ZNRF1: variants seen among roughly 807,000 people sequenced by gnomAD.
ZNRF1 encodes the protein zinc and ring finger 1.
In ZNRF1, 3 loss-of-function variants were observed where a neutral mutation model predicts 18.4. That is an observed-to-expected ratio of 0.16 (90% CI 0.07 to 0.42). The LOEUF is 0.42. Among genes scored for constraint, ZNRF1 ranks in the 10% least tolerant of loss-of-function variants. The probability of loss-of-function intolerance (pLI) is 0.99; values close to 1 mark genes in which losing one functional copy is unlikely to be tolerated. For synonymous variants in ZNRF1, 157 were observed against 144.2 expected (o/e 1.09, Z -0.64); for missense variants, 310 against 329.8 (o/e 0.94, Z 0.47).
intron 1 of ZNRF1, among the ~76,000 whole-genome samples, chr16:75,064,808 G>A (rs2035782607): frequency 6.6e-6 from 1 of 152,170 alleles, no homozygotes; most frequent in African/African-American, 2.4e-5. Flanking sequence ...CTAATACTTG[G>A]CACCCTGTGT....
intron 1 of ZNRF1, among the ~76,000 whole-genome samples, chr16:75,084,230 T>G (rs996950071): frequency 6.6e-6 from 1 of 152,190 alleles, no homozygotes; most frequent in African/African-American, 2.4e-5. Flanking sequence ...AGCAGGCACA[T>G]GCAGTCATTA....
chr16:75,074,724 G>A (rs1170729472), intron 1 of ZNRF1, among the ~76,000 whole-genome samples: 2 of 152,058 alleles, frequency 1.3e-5, no homozygotes, highest in African/African-American at 2.4e-5. Context: ...ATGAGTACCT[G>A]GGAGCTCACT....
At chr16:75,062,963 G>A (rs1295913948) in intron 1 of ZNRF1, among the ~76,000 whole-genome samples, 2 of 152,200 alleles carry the variant, frequency 1.3e-5, no homozygotes, top group East Asian at 1.9e-4. Context: ...TCTTCAGGGT[G>A]GAAGAACACA....
intron 1 of ZNRF1, among the ~76,000 whole-genome samples, chr16:75,004,332 C>G (rs575068601): frequency 7.2e-5 from 11 of 152,160 alleles, no homozygotes; most frequent in African/African-American, 2.2e-4. Flanking sequence ...TGATGGCTGC[C>G]TCGGTGCTAT....
At chr16:75,072,588 C>T (rs2035882819) in intron 1 of ZNRF1, among the ~76,000 whole-genome samples, 1 of 152,176 alleles carries the variant, frequency 6.6e-6, no homozygotes, top group African/African-American at 2.4e-5. Flanking sequence ...CCTTCAGTGT[C>T]CACCCACTAG....
intron 4 of ZNRF1, 91 bp from the exon 5 acceptor site, chr16:75,107,642 C>G: frequency 2.2e-6 from 1 of 452,262 alleles, no homozygotes; most frequent in Non-Finnish European, 4.4e-6. Context: ...ACGCCCCAGC[C>G]CCGCCTGCCC....
chr16:75,102,379 G>A (rs896744824), intron 2 of ZNRF1, among the ~76,000 whole-genome samples: 6 of 152,148 alleles, frequency 3.9e-5, no homozygotes, highest in Non-Finnish European at 8.8e-5. Flanking sequence ...TGGGTGCCCT[G>A]CCCAGCTTGG....
intron 2 of ZNRF1, among the ~76,000 whole-genome samples, chr16:75,100,002 C>T (rs375970253): frequency 6.6e-6 from 1 of 152,198 alleles, no homozygotes; most frequent in African/African-American, 2.4e-5. Context: ...CCTCCTGCCT[C>T]CTGCTGTGGA....
At chr16:75,050,865 C>T (rs1293852917) in intron 1 of ZNRF1, among the ~76,000 whole-genome samples, 4 of 87,478 alleles carry the variant, frequency 4.6e-5, no homozygotes, top group East Asian at 6.4e-4. Context: ...AGCAAGACTC[C>T]GTCTCAAAAA....
intron 1 of ZNRF1, among the ~76,000 whole-genome samples, chr16:75,042,808 T>C (rs2035466535): frequency 6.6e-6 from 1 of 152,142 alleles, no homozygotes; most frequent in Non-Finnish European, 1.5e-5. Context: ...CATTCAGAGG[T>C]CCTTGTGACC....
At chr16:75,010,420 T>C (rs1157818358) in intron 1 of ZNRF1, among the ~76,000 whole-genome samples, 2 of 152,364 alleles carry the variant, frequency 1.3e-5, no homozygotes, top group African/African-American at 4.8e-5. Context: ...TATATTTGAG[T>C]ACATTTTGCT....
At chr16:75,096,061 CGTGT>C (rs56013949) in intron 2 of ZNRF1, among the ~76,000 whole-genome samples, 10,762 of 139,624 alleles carry the variant, frequency 0.077, 502 homozygotes, top group East Asian at 0.12. Flanking sequence ...TATGTGTGCA[CGTGT>C]GTGTGTGTGT....
intron 1 of ZNRF1, among the ~76,000 whole-genome samples, chr16:75,007,089 C>G (rs905585464): frequency 1.4e-5 from 2 of 145,136 alleles, no homozygotes; most frequent in African/African-American, 5.1e-5. Flanking sequence ...AAGACAGGGT[C>G]TCGCTTTGTT....
intron 1 of ZNRF1, among the ~76,000 whole-genome samples, chr16:75,083,834 C>G (rs2036042980): frequency 6.6e-6 from 1 of 152,010 alleles, no homozygotes; most frequent in Admixed American, 6.6e-5. Flanking sequence ...GAAGATAGAA[C>G]CAAGAGATTT....
chr16:75,063,195 G>A (rs1451630286), intron 1 of ZNRF1, among the ~76,000 whole-genome samples: 1 of 152,166 alleles, frequency 6.6e-6, no homozygotes, highest in Non-Finnish European at 1.5e-5. Context: ...TCCCCACATA[G>A]CCCCGCTTCC....
At chr16:75,069,948 G>T (rs1450147338) in intron 1 of ZNRF1, among the ~76,000 whole-genome samples, 1 of 152,118 alleles carries the variant, frequency 6.6e-6, no homozygotes, top group African/African-American at 2.4e-5. Flanking sequence ...TTACCCAGTT[G>T]CCCAAGCGAG....
chr16:75,041,078 A>G (rs2035441766), intron 1 of ZNRF1, among the ~76,000 whole-genome samples: 1 of 152,340 alleles, frequency 6.6e-6, no homozygotes, highest in African/African-American at 2.4e-5. Flanking sequence ...GACAATTATG[A>G]ATGATGCTGC....
chr16:75,050,040 C>T (rs1265672284), intron 1 of ZNRF1, among the ~76,000 whole-genome samples: 1 of 152,126 alleles, frequency 6.6e-6, no homozygotes, highest in Non-Finnish European at 1.5e-5. Flanking sequence ...TTCTCCAGCT[C>T]TAGAATTTCA....
intron 1 of ZNRF1, among the ~76,000 whole-genome samples, chr16:75,047,183 T>G (rs1215489353): frequency 6.6e-6 from 1 of 152,232 alleles, no homozygotes; most frequent in African/African-American, 2.4e-5. Flanking sequence ...TTTATTTATT[T>G]ATTTTAAGAG....
Sources: gnomAD v4.1 joint callset for allele counts (sites outside exome capture counted in the v4.1 genomes callset) on GRCh38, gnomAD v4.1.1 for gene constraint, MANE v1.5 for transcripts, NCBI Gene and HGNC (gene_info 2026-07-23, HGNC 2026-07-21) for gene names.